INVS: variants seen among roughly 807,000 people sequenced by gnomAD.
INVS encodes inversion of embryo turning homolog.
Under a neutral mutation model 108.8 loss-of-function variants are expected in INVS, and 86 were observed. The observed-to-expected ratio is 0.79, with a 90% CI of 0.66 to 0.95. INVS has a LOEUF of 0.95. INVS is among the 40% of genes least tolerant of loss of function. The pLI, the probability that INVS is intolerant of heterozygous loss-of-function variation, is 0.00. For synonymous variants in INVS, 455 were observed against 473.5 expected (o/e 0.96, Z 0.51); for missense variants, 1,169 against 1,297.4 (o/e 0.90, Z 1.52).
intron 1 of INVS, among the ~76,000 whole-genome samples, chr9:100,103,001 C>T (rs901785071): frequency 2.4e-4 from 36 of 151,962 alleles, no homozygotes; most frequent in African/African-American, 6.8e-4. Context: ...TATGGGCACG[C>T]GCCACCACGC....
At chr9:100,238,089 G>A (rs1404189159) in intron 5 of INVS, among the ~76,000 whole-genome samples, 3 of 152,020 alleles carry the variant, frequency 2.0e-5, no homozygotes, top group African/African-American at 7.2e-5. Flanking sequence ...ATGTTGGCCA[G>A]ACTGGTTTTG....
intron 3 of INVS, among the ~76,000 whole-genome samples, chr9:100,210,717 C>A (rs1414899162): frequency 1.3e-5 from 2 of 152,158 alleles, no homozygotes; most frequent in Non-Finnish European, 2.9e-5. Context: ...GCTTCCCCAA[C>A]TCTTAGCATG....
intron 2 of INVS, among the ~76,000 whole-genome samples, chr9:100,121,117 G>A (rs1827715689): frequency 6.6e-6 from 1 of 152,116 alleles, no homozygotes; most frequent in Non-Finnish European, 1.5e-5. Flanking sequence ...AAGGCCAGCA[G>A]GAAAGTGTCT....
chr9:100,100,863 T>TATATATTATATATGTATATATA (rs1826902960), intron 1 of INVS, among the ~76,000 whole-genome samples: 1 of 5,478 alleles, frequency 1.8e-4, no homozygotes, highest in African/African-American at 1.6e-3. Flanking sequence ...GTATATATAA[T>TATATATTATATATGTATATATA]ATATATATTA....
chr9:100,227,991 C>CTTTTT (rs33912012), intron 4 of INVS, among the ~76,000 whole-genome samples: 12 of 133,448 alleles, frequency 9.0e-5, no homozygotes, highest in South Asian at 2.3e-4. Context: ...TTCTTTCTTT[C>CTTTTT]TTTTTTTTTT....
chr9:100,281,991 C>A (rs950789285), intron 12 of INVS, among the ~76,000 whole-genome samples: 4 of 152,162 alleles, frequency 2.6e-5, no homozygotes, highest in Non-Finnish European at 5.9e-5. Flanking sequence ...AATTTATCAC[C>A]TCAGAGTCCC....
intron 3 of INVS, among the ~76,000 whole-genome samples, chr9:100,203,607 A>G (rs1184636105): frequency 1.3e-5 from 2 of 149,376 alleles, no homozygotes; most frequent in Non-Finnish European, 3.0e-5. Context: ...AGTTCAAGCG[A>G]TTCTCCTGCC....
chr9:100,197,659 G>A (rs1830417684), intron 3 of INVS, among the ~76,000 whole-genome samples: 1 of 152,022 alleles, frequency 6.6e-6, no homozygotes, highest in Non-Finnish European at 1.5e-5. Flanking sequence ...AATGTGATTG[G>A]GCCAAAAAGG....
At chr9:100,200,793 G>A (rs2118228729) in intron 3 of INVS, among the ~76,000 whole-genome samples, 1 of 152,138 alleles carries the variant, frequency 6.6e-6, no homozygotes, top group East Asian at 1.9e-4. Context: ...GCATATATGG[G>A]GCTTCCCCTT....
intron 3 of INVS, among the ~76,000 whole-genome samples, chr9:100,178,883 CAGAGAGAA>C (rs1829795609): frequency 6.6e-6 from 1 of 152,122 alleles, no homozygotes; most frequent in Non-Finnish European, 1.5e-5. Context: ...TAAGGGCAGC[CAGAGAGAA>C]AGGTCAGGTT....
intron 12 of INVS, among the ~76,000 whole-genome samples, chr9:100,283,133 AC>A (rs561707527): frequency 6.6e-6 from 1 of 151,852 alleles, no homozygotes; most frequent in African/African-American, 2.4e-5. Flanking sequence ...ACAAAGTGAG[AC>A]CCCCCCTCCC....
At chr9:100,216,633 C>CT (rs1332956679) in intron 3 of INVS, among the ~76,000 whole-genome samples, 2 of 152,242 alleles carry the variant, frequency 1.3e-5, no homozygotes, top group Non-Finnish European at 2.9e-5. Flanking sequence ...ACCAAATGAA[C>CT]TTCTAATGTT....
chr9:100,214,572 C>T (rs1830930414), intron 3 of INVS, among the ~76,000 whole-genome samples: 1 of 152,208 alleles, frequency 6.6e-6, no homozygotes, highest in African/African-American at 2.4e-5. Flanking sequence ...GCTCACATGT[C>T]AGAAGAAGCA....
intron 2 of INVS, among the ~76,000 whole-genome samples, chr9:100,118,613 GT>G (rs1410654428): frequency 1.3e-5 from 2 of 152,018 alleles, no homozygotes; most frequent in Non-Finnish European, 1.5e-5. Context: ...GTTTATTTTT[GT>G]TTTTGTATAT....
At chr9:100,209,769 C>CAAAAAAA (rs58556710) in intron 3 of INVS, among the ~76,000 whole-genome samples, 1 of 72,288 alleles carries the variant, frequency 1.4e-5, no homozygotes, top group Non-Finnish European at 2.7e-5. Flanking sequence ...GACTCCGTCT[C>CAAAAAAA]AAAAAAAAAA....
Position 100,272,933 on chromosome 9 carries a change from T to C in INVS, c.1641T>C (p.Gly547=). 6.2e-7 allele frequency: 1 copy of C among 1,614,106 alleles called. No individual in the cohort carries two copies. Among genetic ancestry groups the C allele is most frequent in the Non-Finnish European group, 8.5e-7 (1 of 1,180,028 alleles). The part of the protein sequence containing the change: ...HEVIQFMLEH[G]ALSIAAIQDI... ...TGATCCAGTTCATGTTGGAGCACGG[T>C]GCCCTGTCCATCGCAGCCATACAAG... is the stretch of plus-strand genomic sequence containing the variant. The change falls in exon 12 of 17, where the codon GGT becomes GGC. Residue 547 remains glycine, a synonymous_variant. Coordinates refer to ENST00000262457, the MANE Select transcript of INVS (RefSeq NM_014425.5).
chr9:100,292,606 ACCCAAGGCCAAATGTGCCC>A lies in INVS; in HGVS notation c.2354_2372del (p.Lys785ArgfsTer45). The A allele has an allele frequency of 3.7e-6, 6 of 1,614,130 alleles. No homozygotes were observed. Among genetic ancestry groups the A allele is most frequent in the Non-Finnish European group, 4.2e-6 (5 of 1,180,014 alleles). ...AGCCCAGCAGGCGGCATGACACAGA[ACCCAAGGCCAAATGTGCCC>A]CCCAGAAAAGGCGCACTCAAGAGCT... On this transcript the variant is annotated frameshift_variant, in exon 14 of 17. Transcript: ENST00000262457. LOFTEE classifies it high-confidence loss of function.
intron 3 of INVS, among the ~76,000 whole-genome samples, chr9:100,140,607 T>G (rs1456202127): frequency 3.3e-5 from 5 of 152,118 alleles, no homozygotes; most frequent in African/African-American, 1.2e-4. Context: ...TCTTCTTATA[T>G]TAATAAGAAA....
At chr9:100,132,014 C>T (rs928353571) in intron 3 of INVS, 4 of 345,440 alleles carry the variant, frequency 1.2e-5, no homozygotes, top group East Asian at 1.7e-4. Flanking sequence ...AAACAATCCA[C>T]GCCCCAGTCC....
Sources: allele counts gnomAD v4.1 joint callset (sites outside exome capture counted in the v4.1 genomes callset), GRCh38; gene constraint gnomAD v4.1.1; transcripts MANE v1.5; gene names NCBI Gene and HGNC (gene_info 2026-07-23, HGNC 2026-07-21).